NOS1AP: variants seen among roughly 807,000 people sequenced by gnomAD.
NOS1AP encodes the protein carboxyl-terminal PDZ ligand of neuronal nitric oxide synthase protein.
Under a neutral mutation model 56.2 loss-of-function variants are expected in NOS1AP, and 21 were observed. The observed-to-expected ratio is 0.37, with a 90% CI of 0.26 to 0.54. The LOEUF is 0.54. Ranked by LOEUF, NOS1AP falls within the 20% of genes least tolerant of loss-of-function variation. The pLI, the probability that NOS1AP is intolerant of heterozygous loss-of-function variation, is 0.84. For synonymous variants in NOS1AP, 270 were observed against 274.6 expected (o/e 0.98, Z 0.17); for missense variants, 522 against 657.8 (o/e 0.79, Z 2.26).
rs571391361 is a variant in NOS1AP, at chr1:162,345,029, C to A, written c.595+1053C>A. Among the ~76,000 whole-genome samples the A allele has an allele frequency of 3.3e-4, 50 of 151,742 alleles. 2 individuals carry two copies. In the South Asian group the frequency reaches 9.8e-3, roughly 30 times the overall value. On this transcript the variant is annotated intron_variant, in intron 6 of 9. Transcript: ENST00000361897. ...ACAATAAAAATGTGTTTGTTACCTA[C>A]GAAAAAATCTTAAACAAATGGAAAG...
intron 4 of NOS1AP, among the ~76,000 whole-genome samples, chr1:162,314,050 G>T (rs1404874088): frequency 6.6e-6 from 1 of 152,132 alleles, no homozygotes; most frequent in African/African-American, 2.4e-5. Context: ...CGACAAAGCT[G>T]GGGCAGCCTT....
chr1:162,329,661 G>A (rs533008509), intron 4 of NOS1AP, among the ~76,000 whole-genome samples: 11 of 152,126 alleles, frequency 7.2e-5, no homozygotes, highest in African/African-American at 2.4e-4. Context: ...CACAATCACA[G>A]TGCTTAAGAA....
chr1:162,244,463 G>A (rs984575506), intron 2 of NOS1AP, among the ~76,000 whole-genome samples: 1 of 152,188 alleles, frequency 6.6e-6, no homozygotes, highest in Non-Finnish European at 1.5e-5. Flanking sequence ...GGAGAACTTA[G>A]AGATAATTTA....
chr1:162,206,365 T>C (rs1183988309), intron 2 of NOS1AP, among the ~76,000 whole-genome samples: 6 of 152,226 alleles, frequency 3.9e-5, no homozygotes, highest in Non-Finnish European at 8.8e-5. Flanking sequence ...TATAATCTAG[T>C]TCAGGAGTTG....
intron 1 of NOS1AP, among the ~76,000 whole-genome samples, chr1:162,110,785 A>G (rs1647679537): frequency 6.6e-6 from 1 of 152,204 alleles, no homozygotes; most frequent in Non-Finnish European, 1.5e-5. Context: ...TAAAACCCCT[A>G]TGATGTACAT....
intron 5 of NOS1AP, among the ~76,000 whole-genome samples, chr1:162,339,096 T>C (rs1657025104): frequency 6.6e-6 from 1 of 152,190 alleles, no homozygotes; most frequent in African/African-American, 2.4e-5. Flanking sequence ...TGTATACAGT[T>C]TTAAGCTCCC....
At chr1:162,312,780 C>T (rs1656086011) in intron 4 of NOS1AP, among the ~76,000 whole-genome samples, 1 of 152,016 alleles carries the variant, frequency 6.6e-6, no homozygotes, top group South Asian at 2.1e-4. Flanking sequence ...AGCTTATCCA[C>T]CATGATCAAG....
At chr1:162,322,043 AC>A (rs979692731) in intron 4 of NOS1AP, among the ~76,000 whole-genome samples, 94 of 152,182 alleles carry the variant, frequency 6.2e-4, no homozygotes, top group African/African-American at 2.1e-3. Context: ...TACAAATGTA[AC>A]CCCCTGCATC....
At chr1:162,261,539 A>AGAGAGAAGAGAGAAGAGAG (rs1654237830) in intron 2 of NOS1AP, among the ~76,000 whole-genome samples, 10 of 16,912 alleles carry the variant, frequency 5.9e-4, no homozygotes, top group South Asian at 1.8e-3. Flanking sequence ...AGAGAGAGAG[A>AGAGAGAAGAGAGAAGAGAG]GAGAGAGCAA....
intron 4 of NOS1AP, among the ~76,000 whole-genome samples, chr1:162,331,710 TG>T (rs1267158493): frequency 2.0e-5 from 3 of 152,172 alleles, no homozygotes; most frequent in Non-Finnish European, 4.4e-5. Flanking sequence ...TTTGCAGAAA[TG>T]ATGTGGCCTC....
chr1:162,206,650 G>T (rs1652173878), intron 2 of NOS1AP, among the ~76,000 whole-genome samples: 1 of 152,216 alleles, frequency 6.6e-6, no homozygotes, highest in African/African-American at 2.4e-5. Flanking sequence ...TAATATACAA[G>T]TAGGCATTCT....
At chr1:162,283,421 C>CA (rs1257623070) in intron 2 of NOS1AP, among the ~76,000 whole-genome samples, 1 of 152,084 alleles carries the variant, frequency 6.6e-6, no homozygotes, top group African/African-American at 2.4e-5. Context: ...CTTGGATACT[C>CA]AGTGACCAGG....
intron 1 of NOS1AP, among the ~76,000 whole-genome samples, chr1:162,129,789 G>T (rs369826700): frequency 6.6e-6 from 1 of 152,154 alleles, no homozygotes; most frequent in Non-Finnish European, 1.5e-5. Context: ...AGGACATGCC[G>T]TCTCCCTCTT....
intron 8 of NOS1AP, among the ~76,000 whole-genome samples, chr1:162,359,458 A>T (rs1187992370): frequency 6.6e-6 from 1 of 152,160 alleles, no homozygotes; most frequent in Non-Finnish European, 1.5e-5. Flanking sequence ...CAGCAGGGAT[A>T]TTGTACATTT....
At chr1:162,140,948 G>A (rs959631789) in intron 1 of NOS1AP, among the ~76,000 whole-genome samples, 18 of 152,072 alleles carry the variant, frequency 1.2e-4, no homozygotes, top group Non-Finnish European at 2.6e-4. Flanking sequence ...TTTGAGAAGT[G>A]TCTATTCATG....
chr1:162,363,897 C>T, intron 8 of NOS1AP: 18 of 985,404 alleles, frequency 1.8e-5, no homozygotes, highest in Non-Finnish European at 2.2e-5. Context: ...AGTTTAAATT[C>T]CTTAGGCATT....
chr1:162,233,300 A>G (rs926607130), intron 2 of NOS1AP, among the ~76,000 whole-genome samples: 2 of 152,042 alleles, frequency 1.3e-5, no homozygotes, highest in South Asian at 4.1e-4. Context: ...CCCCACCCCA[A>G]TGCCTGTGGC....
chr1:162,334,514 T>C (rs1341037384), intron 5 of NOS1AP, among the ~76,000 whole-genome samples: 1 of 152,154 alleles, frequency 6.6e-6, no homozygotes, highest in Non-Finnish European at 1.5e-5. Flanking sequence ...TGGCCTTGTG[T>C]AGGGGACCTG....
At chr1:162,250,511 T>G (rs1653813856) in intron 2 of NOS1AP, among the ~76,000 whole-genome samples, 1 of 151,834 alleles carries the variant, frequency 6.6e-6, no homozygotes. Context: ...ACATCTCCAT[T>G]TAAGGGGCAA....
Sources: gnomAD v4.1 joint callset for allele counts (sites outside exome capture counted in the v4.1 genomes callset) on GRCh38, gnomAD v4.1.1 for gene constraint, MANE v1.5 for transcripts, NCBI Gene and HGNC (gene_info 2026-07-23, HGNC 2026-07-21) for gene names.